The following MLLT10 variants were observed in gnomAD, a reference collection of about 807,000 sequenced individuals.
MLLT10 encodes MLLT10 histone lysine methyltransferase DOT1L cofactor.
A neutral mutation model predicts 129.1 loss-of-function variants in MLLT10; 30 were observed. The observed-to-expected ratio is 0.23, with a 90% confidence interval of 0.17 to 0.32. The LOEUF (loss-of-function observed/expected upper bound fraction) is 0.32. Among genes scored for constraint, MLLT10 ranks in the 10% least tolerant of loss-of-function variants. The pLI is 1.00. For synonymous variants in MLLT10, 490 were observed against 446.4 expected (o/e 1.10, Z -1.23); for missense variants, 1,119 against 1,268.3 (o/e 0.88, Z 1.79).
intron 3 of MLLT10, among the ~76,000 whole-genome samples, chr10:21,585,948 A>G (rs1293170921): frequency 6.6e-6 from 1 of 151,994 alleles, no homozygotes; most frequent in Non-Finnish European, 1.5e-5. Context: ...TTTAGTAGAG[A>G]CGGGGTTTCT....
intron 21 of MLLT10, among the ~76,000 whole-genome samples, chr10:21,736,595 A>G (rs992647445): frequency 4.6e-5 from 7 of 152,202 alleles, no homozygotes; most frequent in Admixed American, 2.6e-4. Context: ...TGTTTTGAAG[A>G]CAGAACCAAC....
rs552137357 is a variant in MLLT10 at position 21,572,543 on chromosome 10, C to G, written c.241-13751C>G. Among the ~76,000 whole-genome samples, 43 of 151,892 alleles carry G rather than the reference C, an allele frequency of 2.8e-4. 1 individual carries two copies. Among genetic ancestry groups the G allele is most frequent in the Non-Finnish European group, 4.4e-5 (3 of 67,970 alleles). The stretch of plus-strand genomic sequence containing the variant: ...AGTATATCTCTCCATTTATTTAGGT[C>G]TTTTTTGCTTTGTCTGAGCAGTCGT... On this transcript the variant is annotated intron_variant, in intron 3 of 22. Coordinates refer to ENST00000307729, the MANE Select transcript of MLLT10 (RefSeq NM_001195626.3).
chr10:21,539,014 A>G (rs547263942), intron 3 of MLLT10, 102 bp downstream of exon 3: 2 of 739,900 alleles, frequency 2.7e-6, no homozygotes, highest in Non-Finnish European at 4.5e-6. Flanking sequence ...CATTTCTTCA[A>G]ATATCATAAT....
intron 13 of MLLT10, among the ~76,000 whole-genome samples, chr10:21,707,473 G>C (rs1032991612): frequency 1.3e-5 from 2 of 152,144 alleles, no homozygotes; most frequent in African/African-American, 2.4e-5. Context: ...TTACAGGCGT[G>C]AGCCACTGCG....
rs183425814 is a variant in MLLT10, at chr10:21,565,713, C to T, written c.241-20581C>T. Among the ~76,000 whole-genome samples the T allele has an allele frequency of 2.6e-5, 4 of 151,090 alleles. No homozygotes were observed. In the South Asian group the frequency reaches 6.3e-4, roughly 24 times the overall value. On this transcript the variant is annotated intron_variant, in intron 3 of 22. Transcript: ENST00000307729. ...CTGGACCTCCTGGGCTCAAACTGTT[C>T]CCCCATCTCAGCCTCCCAAGTAAGT...
At chr10:21,625,701 A>C (rs2046362588) in intron 8 of MLLT10, 2 of 767,006 alleles carry the variant, frequency 2.6e-6, no homozygotes, top group Admixed American at 3.4e-5. Context: ...GATCCAACAA[A>C]AGTCTGTTGT....
At chr10:21,533,844 A>G (rs2033259147), upstream of MLLT10, among the ~76,000 whole-genome samples, 1 of 152,204 alleles carries the variant, frequency 6.6e-6, no homozygotes, top group Admixed American at 6.5e-5. Flanking sequence ...GCCAGCAGGT[A>G]GGTTCCCAGG....
At chr10:21,558,586 A>G (rs891096320) in intron 3 of MLLT10, among the ~76,000 whole-genome samples, 5 of 149,518 alleles carry the variant, frequency 3.3e-5, no homozygotes, top group South Asian at 2.1e-4. Flanking sequence ...GGGTTTTGCT[A>G]TGTTGCCCAG....
chr10:21,645,486 G>C, intron 8 of MLLT10, among the ~76,000 whole-genome samples: 1 of 152,116 alleles, frequency 6.6e-6, no homozygotes, highest in East Asian at 1.9e-4. Flanking sequence ...TCAGTGTAAA[G>C]AATTGAGTCA....
At chr10:21,594,106 T>C (rs1358316957) in intron 4 of MLLT10, among the ~76,000 whole-genome samples, 4 of 151,738 alleles carry the variant, frequency 2.6e-5, no homozygotes. Flanking sequence ...TGGTGTAGTC[T>C]CTTTGAGGGT....
At chr10:21,664,307 T>C (rs2050516658) in intron 9 of MLLT10, among the ~76,000 whole-genome samples, 1 of 151,136 alleles carries the variant, frequency 6.6e-6, no homozygotes, top group Admixed American at 6.6e-5. Flanking sequence ...TTTTGTTTGC[T>C]TTTTGTTTGT....
At chr10:21,728,639 C>T (rs1388474109) in intron 16 of MLLT10, among the ~76,000 whole-genome samples, 1 of 152,108 alleles carries the variant, frequency 6.6e-6, no homozygotes, top group Non-Finnish European at 1.5e-5. Context: ...TAGGAACCCT[C>T]CCTCAAGCAT....
At chr10:21,620,929 C>CG (rs1356067581) in intron 8 of MLLT10, among the ~76,000 whole-genome samples, 1 of 151,342 alleles carries the variant, frequency 6.6e-6, no homozygotes, top group African/African-American at 2.4e-5. Flanking sequence ...GTGATCCACC[C>CG]GCCTTGGCCT....
intron 3 of MLLT10, among the ~76,000 whole-genome samples, chr10:21,548,877 A>G (rs1418911797): frequency 1.3e-5 from 2 of 152,056 alleles, no homozygotes; most frequent in African/African-American, 2.4e-5. Flanking sequence ...TTTAAAACAT[A>G]CTTATTGTAA....
At chr10:21,694,688 C>T (rs1158211735) in intron 13 of MLLT10, among the ~76,000 whole-genome samples, 1 of 152,212 alleles carries the variant, frequency 6.6e-6, no homozygotes, top group Non-Finnish European at 1.5e-5. Context: ...TCCTTACTTT[C>T]TGGCACTGTA....
chr10:21,717,876 TCTCCTC>T (rs1564712327), intron 14 of MLLT10, among the ~76,000 whole-genome samples: 1 of 75,666 alleles, frequency 1.3e-5, no homozygotes, highest in Non-Finnish European at 2.7e-5. Flanking sequence ...TCCTCCTCCT[TCTCCTC>T]CTCCTTCTCC....
intron 3 of MLLT10, among the ~76,000 whole-genome samples, chr10:21,543,946 A>G (rs925412044): frequency 1.3e-5 from 2 of 152,192 alleles, no homozygotes; most frequent in African/African-American, 4.8e-5. Context: ...TTTTGTCTGC[A>G]TGCCTGCTTC....
intron 9 of MLLT10, among the ~76,000 whole-genome samples, chr10:21,665,720 T>C (rs2050720438): frequency 6.6e-6 from 1 of 152,176 alleles, no homozygotes; most frequent in Non-Finnish European, 1.5e-5. Flanking sequence ...TGTATTTTAT[T>C]ATAATACTGT....
intron 3 of MLLT10, among the ~76,000 whole-genome samples, chr10:21,558,225 A>G (rs1204449771): frequency 6.6e-6 from 1 of 152,060 alleles, no homozygotes; most frequent in Non-Finnish European, 1.5e-5. Flanking sequence ...TGCTGGGACT[A>G]CAGGCGTGAG....
Sources: gnomAD v4.1 joint callset for allele counts (sites outside exome capture counted in the v4.1 genomes callset) on GRCh38, gnomAD v4.1.1 for gene constraint, MANE v1.5 for transcripts, NCBI Gene and HGNC (gene_info 2026-07-23, HGNC 2026-07-21) for gene names.